The following ASIC2 variants were observed in gnomAD, a reference collection of about 807,000 sequenced individuals.
ASIC2 encodes acid sensing ion channel subunit 2.
ASIC2 carries 25 observed loss-of-function variants against 57.3 expected under a neutral mutation model. The ratio of observed to expected loss-of-function variants is 0.44; its 90% confidence interval spans 0.32 to 0.61. The LOEUF is 0.61. Among genes scored for constraint, ASIC2 ranks in the 20% least tolerant of loss-of-function variants. The pLI is 0.06. For synonymous variants in ASIC2, 319 were observed against 307.5 expected, an observed-to-expected ratio of 1.04 and a Z score of -0.39; for missense variants, 641 against 738.1, an observed-to-expected ratio of 0.87 and a Z score of 1.52.
intron 1 of ASIC2, among the ~76,000 whole-genome samples, chr17:33,716,310 A>G (rs574226465): frequency 2.6e-5 from 4 of 152,302 alleles, no homozygotes; most frequent in African/African-American, 7.2e-5. Flanking sequence ...AAAGACTCAA[A>G]TCTTCAGTGG....
intron 1 of ASIC2, chr17:34,147,139 G>A (rs1363724838): frequency 6.6e-6 from 1 of 152,218 alleles, no homozygotes; most frequent in Non-Finnish European, 1.5e-5. Context: ...AGCAACAGAT[G>A]TAGGATCAGA....
intron 1 of ASIC2, among the ~76,000 whole-genome samples, chr17:33,651,219 G>A (rs142545266): frequency 5.3e-5 from 8 of 152,288 alleles, no homozygotes; most frequent in Admixed American, 4.6e-4. Flanking sequence ...CTGGTTAAGT[G>A]TATTGTGCCA....
intron 1 of ASIC2, among the ~76,000 whole-genome samples, chr17:33,162,351 C>T (rs1905186847): frequency 6.6e-6 from 1 of 152,178 alleles, no homozygotes; most frequent in Non-Finnish European, 1.5e-5. Context: ...AAAGCATCGC[C>T]ACATAAATCT....
At chr17:33,155,587 G>A (rs1904973213) in intron 1 of ASIC2, among the ~76,000 whole-genome samples, 1 of 118,966 alleles carries the variant, frequency 8.4e-6, no homozygotes, top group African/African-American at 3.4e-5. Flanking sequence ...TTGAGACGAT[G>A]TCTAGCTCTG....
At chr17:33,877,113 T>C (rs1002278909) in intron 1 of ASIC2, among the ~76,000 whole-genome samples, 2 of 152,194 alleles carry the variant, frequency 1.3e-5, no homozygotes, top group African/African-American at 4.8e-5. Context: ...ATATGCTGCA[T>C]GTGCTGAATA....
intron 1 of ASIC2, among the ~76,000 whole-genome samples, chr17:33,785,458 G>T (rs982178194): frequency 5.3e-5 from 8 of 152,152 alleles, no homozygotes; most frequent in African/African-American, 1.9e-4. Context: ...CTGAGGCTTA[G>T]AGAGGTTACA....
At chr17:33,387,789 A>T (rs185585867) in intron 1 of ASIC2, among the ~76,000 whole-genome samples, 5 of 152,324 alleles carry the variant, frequency 3.3e-5, no homozygotes, top group African/African-American at 9.6e-5. Flanking sequence ...ATTTGCTAAG[A>T]GGGGAGATCT....
At chr17:34,102,090 A>C (rs1034220751) in intron 1 of ASIC2, among the ~76,000 whole-genome samples, 1 of 152,046 alleles carries the variant, frequency 6.6e-6, no homozygotes, top group Non-Finnish European at 1.5e-5. Flanking sequence ...CAGGTGGATC[A>C]CTGAGGTCAG....
chr17:33,151,352 C>G (rs1159771855), intron 1 of ASIC2, among the ~76,000 whole-genome samples: 1 of 149,208 alleles, frequency 6.7e-6, no homozygotes, highest in African/African-American at 2.5e-5. Context: ...CCAGCCTGGG[C>G]GACAGAGAGA....
chr17:33,089,665 T>C (rs9916596), intron 2 of ASIC2, among the ~76,000 whole-genome samples: 151,016 of 152,366 alleles, frequency 0.99, 74,880 homozygotes, highest in Middle Eastern at 1. Context: ...ATTTTATTGA[T>C]TAACTTTTCT....
At chr17:34,131,013 G>C (rs1911937904) in intron 1 of ASIC2, among the ~76,000 whole-genome samples, 1 of 152,208 alleles carries the variant, frequency 6.6e-6, no homozygotes, top group African/African-American at 2.4e-5. Flanking sequence ...GACATTAGCA[G>C]ATGAGCAGAC....
chr17:33,630,029 A>G (rs1432601372), intron 1 of ASIC2, among the ~76,000 whole-genome samples: 1 of 152,126 alleles, frequency 6.6e-6, no homozygotes, highest in Non-Finnish European at 1.5e-5. Context: ...TTGCCCTGTT[A>G]AGCCCTTTAT....
intron 1 of ASIC2, among the ~76,000 whole-genome samples, chr17:33,659,413 C>T (rs560912572): frequency 3.3e-5 from 5 of 152,178 alleles, no homozygotes; most frequent in African/African-American, 7.2e-5. Context: ...GTGGTACAGC[C>T]GACCACACGC....
In ASIC2 at chr17:33,673,468, A is replaced by C. The variant is rs35591751; in HGVS notation, c.555+482510T>G. Among the ~76,000 whole-genome samples, 1,430 of 152,294 alleles carry C rather than the reference A, an allele frequency of 9.4e-3. 20 individuals are homozygous for C. Among genetic ancestry groups the C allele is most frequent in the African/African-American group, 0.032 (1,323 of 41,548 alleles). The stretch of plus-strand genomic sequence containing the variant: ...CAAAGTCATATAATATCAGAGCTGA[A>C]AGGCATCTGAAGAATCATCTGATGC... On this transcript the variant is annotated intron_variant, in intron 1 of 9. Coordinates refer to the ASIC2 transcript ENST00000359872.
At chr17:33,198,289 C>A (rs953934172) in intron 1 of ASIC2, among the ~76,000 whole-genome samples, 1 of 152,206 alleles carries the variant, frequency 6.6e-6, no homozygotes, top group Non-Finnish European at 1.5e-5. Context: ...GAGGTCCAGA[C>A]TGCAGGGAGC....
chr17:34,013,414 G>A (rs944675064), intron 1 of ASIC2, among the ~76,000 whole-genome samples: 16 of 152,188 alleles, frequency 1.1e-4, no homozygotes, highest in African/African-American at 2.7e-4. Flanking sequence ...AGTTCCTAAC[G>A]GTCCCCTTTG....
At chr17:33,203,418 T>G (rs1906952020) in intron 1 of ASIC2, among the ~76,000 whole-genome samples, 1 of 152,204 alleles carries the variant, frequency 6.6e-6, no homozygotes, top group African/African-American at 2.4e-5. Context: ...GGAGCCCTCA[T>G]AAGAAGAAAC....
chr17:33,749,946 C>T (rs1419561926), intron 1 of ASIC2, among the ~76,000 whole-genome samples: 3 of 152,178 alleles, frequency 2.0e-5, no homozygotes, highest in Admixed American at 2.0e-4. Flanking sequence ...GAGTCTCCCC[C>T]CATGCCATCT....
chr17:33,556,206 C>T (rs202112154), intron 1 of ASIC2, among the ~76,000 whole-genome samples: 21 of 152,166 alleles, frequency 1.4e-4, no homozygotes, highest in African/African-American at 4.6e-4. Flanking sequence ...GCTATCAACC[C>T]ACCTTGGACT....
Sources: allele counts gnomAD v4.1 joint callset (sites outside exome capture counted in the v4.1 genomes callset), GRCh38; gene constraint gnomAD v4.1.1; transcripts MANE v1.5; gene names NCBI Gene and HGNC (gene_info 2026-07-23, HGNC 2026-07-21).